The following TMEM117 variants were observed in gnomAD, a reference collection of about 807,000 sequenced individuals.
The protein encoded by TMEM117 is transmembrane protein 117.
TMEM117 carries 27 observed loss-of-function variants against 52.4 expected under a neutral mutation model. The observed-to-expected ratio is 0.51, with a 90% confidence interval of 0.38 to 0.71. The LOEUF (loss-of-function observed/expected upper bound fraction) is 0.71, where lower values mean the gene tolerates loss of function less well. TMEM117 is among the 30% of genes least tolerant of loss of function. TMEM117 has a pLI of 0.00. For missense variants in TMEM117, 556 were observed against 630.5 expected (o/e 0.88, Z 1.26); for synonymous variants, 215 against 206.3 (o/e 1.04, Z -0.36).
intron 3 of TMEM117, among the ~76,000 whole-genome samples, chr12:44,010,937 A>G (rs1224299978): frequency 6.6e-6 from 1 of 152,224 alleles, no homozygotes; most frequent in African/African-American, 2.4e-5. Flanking sequence ...AATAACAGAA[A>G]CAAAAGTCTT....
At chr12:43,902,302 T>C (rs1036944538) in intron 2 of TMEM117, among the ~76,000 whole-genome samples, 1 of 152,176 alleles carries the variant, frequency 6.6e-6, no homozygotes, top group East Asian at 1.9e-4. Context: ...GCTGACATAA[T>C]GGTTTTATCA....
chr12:43,923,316 C>T (rs1455061240), intron 2 of TMEM117, among the ~76,000 whole-genome samples: 1 of 152,116 alleles, frequency 6.6e-6, no homozygotes, highest in Admixed American at 6.5e-5. Context: ...TTAAAAGGAA[C>T]AGTCAAGATT....
chr12:43,838,621 G>A (rs1943070563), intron 1 of TMEM117, among the ~76,000 whole-genome samples: 1 of 137,664 alleles, frequency 7.3e-6, no homozygotes, highest in African/African-American at 2.8e-5. Context: ...TCATCCATCA[G>A]CAAATATCTA....
rs563674200 is a variant in TMEM117, at chr12:44,389,547, T to C, written c.*875T>C. 5.2e-5 allele frequency: 8 copies of C among 152,650 alleles called. No individual in the cohort carries two copies. Among genetic ancestry groups the C allele is most frequent in the African/African-American group, 1.9e-4 (8 of 41,550 alleles). The allele number at this position is 152,650 out of a possible 1,614,324, so 9.5% of individuals were successfully genotyped here. A position where few individuals can be genotyped will look rare whatever the true frequency, so the allele number is the denominator to read the frequency against. ...CACCATTTACAATATTCGTATATCT[T>C]TCTGCAAATATGGCTCTGGATAGTG... On this transcript the variant is annotated 3_prime_UTR_variant, in exon 8 of 8. Transcript: ENST00000266534.
At chr12:43,878,679 G>A (rs1943845342) in intron 2 of TMEM117, among the ~76,000 whole-genome samples, 1 of 152,040 alleles carries the variant, frequency 6.6e-6, no homozygotes, top group Non-Finnish European at 1.5e-5. Context: ...ATATTAAAAA[G>A]GAAAAACCTT....
chr12:43,816,155 G>A, the TMEM117 span, among the ~76,000 whole-genome samples: 1 of 152,226 alleles, frequency 6.6e-6, no homozygotes, highest in African/African-American at 2.4e-5. Flanking sequence ...AGTTATCTGG[G>A]GTTGTCAGTT....
chr12:43,940,038 A>T (rs1945018577), intron 2 of TMEM117, among the ~76,000 whole-genome samples: 1 of 152,152 alleles, frequency 6.6e-6, no homozygotes, highest in Non-Finnish European at 1.5e-5. Context: ...GTTACCTCTC[A>T]CCAGGACCCT....
At chr12:44,164,454 T>C (rs1948938070) in intron 4 of TMEM117, among the ~76,000 whole-genome samples, 1 of 152,178 alleles carries the variant, frequency 6.6e-6, no homozygotes, top group Non-Finnish European at 1.5e-5. Flanking sequence ...TGGTAACATA[T>C]GATATTTGGT....
chr12:44,185,012 A>G lies in TMEM117; in HGVS notation c.511-26278A>G, dbSNP rs146101674. On this transcript the variant is annotated intron_variant, in intron 4 of 7. Transcript: ENST00000266534. ...GCCCTACTCAGTCTTTGAAATAACC[A>G]TGTCACCTCTTTCAGGAAGCTTCCC... Among the ~76,000 whole-genome samples, 601 of 152,194 alleles carry G rather than the reference A, an allele frequency of 3.9e-3. 6 individuals are homozygous for G. The highest frequency in any genetic ancestry group is 0.014 in the African/African-American group (564 of 41,520).
intron 5 of TMEM117, among the ~76,000 whole-genome samples, chr12:44,242,620 T>C (rs919587335): frequency 2.0e-5 from 3 of 149,888 alleles, no homozygotes; most frequent in African/African-American, 7.3e-5. Flanking sequence ...TGTGTCTTTA[T>C]GATAGAATGA....
At chr12:43,884,820 C>A (rs1182868200) in intron 2 of TMEM117, among the ~76,000 whole-genome samples, 1 of 152,140 alleles carries the variant, frequency 6.6e-6, no homozygotes, top group African/African-American at 2.4e-5. Flanking sequence ...CAACTTACCA[C>A]CAGACCCTAC....
intron 3 of TMEM117, among the ~76,000 whole-genome samples, chr12:43,975,229 G>T: frequency 6.6e-6 from 1 of 152,068 alleles, no homozygotes; most frequent in East Asian, 1.9e-4. Context: ...ATATCAAAGG[G>T]TATGGTCAGG....
intron 2 of TMEM117, among the ~76,000 whole-genome samples, chr12:43,851,425 C>T (rs1012516414): frequency 2.0e-5 from 3 of 152,148 alleles, no homozygotes; most frequent in South Asian, 2.1e-4. Flanking sequence ...AGTTTATACT[C>T]TTCCAGTACC....
chr12:44,003,302 T>A (rs550281315), intron 3 of TMEM117, among the ~76,000 whole-genome samples: 1 of 152,282 alleles, frequency 6.6e-6, no homozygotes, highest in Non-Finnish European at 1.5e-5. Context: ...CATTGTCTGC[T>A]GGGAGGGAAA....
At chr12:43,888,202 A>T (rs974460813) in intron 2 of TMEM117, among the ~76,000 whole-genome samples, 2 of 152,244 alleles carry the variant, frequency 1.3e-5, no homozygotes, top group Non-Finnish European at 2.9e-5. Flanking sequence ...CCTACCTCAC[A>T]GTATTGTTTC....
intron 4 of TMEM117, among the ~76,000 whole-genome samples, chr12:44,179,047 A>G (rs1042004839): frequency 1.3e-5 from 2 of 152,096 alleles, no homozygotes; most frequent in African/African-American, 4.8e-5. Flanking sequence ...TACAAAAATT[A>G]GCCTGGTGTG....
intron 3 of TMEM117, among the ~76,000 whole-genome samples, chr12:44,117,683 CCACT>C (rs1253527395): frequency 6.6e-6 from 1 of 152,090 alleles, no homozygotes; most frequent in Non-Finnish European, 1.5e-5. Context: ...GAACAACCTA[CCACT>C]TACTTTAGAG....
chr12:44,262,867 G>A (rs963974421), intron 5 of TMEM117, among the ~76,000 whole-genome samples: 11 of 152,204 alleles, frequency 7.2e-5, no homozygotes, highest in East Asian at 5.8e-4. Flanking sequence ...GATTACAGGC[G>A]TGAGCCACTG....
At chr12:43,954,553 T>C (rs1388291340) in intron 3 of TMEM117, among the ~76,000 whole-genome samples, 1 of 151,930 alleles carries the variant, frequency 6.6e-6, no homozygotes, top group East Asian at 1.9e-4. Flanking sequence ...CTAGAAGAAA[T>C]GGATAAATTC....
Sources: gnomAD v4.1 joint callset for allele counts (sites outside exome capture counted in the v4.1 genomes callset) on GRCh38, gnomAD v4.1.1 for gene constraint, MANE v1.5 for transcripts, NCBI Gene and HGNC (gene_info 2026-07-23, HGNC 2026-07-21) for gene names.